ZNF420: variants seen among roughly 807,000 people sequenced by gnomAD.
ZNF420 encodes zinc finger protein 420.
ZNF420 carries 31 observed loss-of-function variants against 44.7 expected under a neutral mutation model. The ratio of observed to expected loss-of-function variants is 0.69; its 90% CI spans 0.52 to 0.94. The LOEUF is 0.94. Among genes scored for constraint, ZNF420 ranks in the 40% least tolerant of loss-of-function variants. ZNF420 has a pLI of 0.00. For missense variants in ZNF420, 681 were observed against 827.9 expected (o/e 0.82, Z 2.18); for synonymous variants, 245 against 267.4 (o/e 0.92, Z 0.82).
chr19:37,052,708 G>T (rs1297543581), intron 1 of ZNF420, among the ~76,000 whole-genome samples: 1 of 152,176 alleles, frequency 6.6e-6, no homozygotes, highest in African/African-American at 2.4e-5. Context: ...CTTCTGGCTT[G>T]TAGAGTTTCT....
intron 2 of ZNF420, among the ~76,000 whole-genome samples, chr19:37,081,670 C>A (rs1359159087): frequency 1.4e-5 from 2 of 145,720 alleles, no homozygotes; most frequent in African/African-American, 2.5e-5. Context: ...GGAATACAGG[C>A]GGGCACGACC....
At chr19:37,103,286 T>G (rs1157538808) in intron 4 of ZNF420, among the ~76,000 whole-genome samples, 1 of 152,108 alleles carries the variant, frequency 6.6e-6, no homozygotes, top group Non-Finnish European at 1.5e-5. Context: ...TTTTCTATGT[T>G]TTTATAATTT....
intron 4 of ZNF420, 69 bp downstream of exon 4, chr19:37,091,190 A>C (rs771658684): frequency 2.0e-5 from 28 of 1,417,130 alleles, no homozygotes; most frequent in Non-Finnish European, 2.6e-5. Flanking sequence ...TGTTATTTCA[A>C]ATTTCCTTTT....
At position 37,091,062 on chromosome 19, in the gene ZNF420, C is replaced by T. The variant is rs1243202182; in HGVS notation, c.77C>T (p.Ala26Val). 6 of 1,613,022 alleles carry T rather than the reference C, an allele frequency of 3.7e-6. No individual in the cohort carries two copies. Among genetic ancestry groups the T allele is most frequent in the Non-Finnish European group, 5.1e-6 (6 of 1,179,724 alleles). ...GAAGAGTGGGAATGCCTGGACTCTG[C>T]TCAGAGAGATTTGTATAGAGATGTG... The part of the protein sequence containing the change: ...SQEEWECLDS[A>V]QRDLYRDVML... The change falls in exon 4 of 5, where the codon GCT becomes GTT. Residue 26 changes from alanine (A) to valine (V), a missense_variant. Coordinates refer to ENST00000337995, the MANE Select transcript of ZNF420 (RefSeq NM_144689.5).
upstream of ZNF420, among the ~76,000 whole-genome samples, chr19:37,075,760 AAAAC>A (rs202179442): frequency 0.014 from 2,071 of 151,954 alleles, 46 homozygotes; most frequent in African/African-American, 0.046. Flanking sequence ...AACAAAAACA[AAAAC>A]AAACAAACAA....
intron 4 of ZNF420, among the ~76,000 whole-genome samples, chr19:37,124,205 A>C (rs1174837538): frequency 6.6e-6 from 1 of 152,196 alleles, no homozygotes; most frequent in Non-Finnish European, 1.5e-5. Context: ...GGCTTTTCTC[A>C]CTTAGCAAAA....
chr19:37,073,950 T>C (rs1374397285), upstream of ZNF420, among the ~76,000 whole-genome samples: 1 of 150,270 alleles, frequency 6.7e-6, no homozygotes, highest in Non-Finnish European at 1.5e-5. Context: ...AAAATAAAAA[T>C]CCATGAGCCA....
intron 4 of ZNF420, among the ~76,000 whole-genome samples, chr19:37,101,870 T>C (rs1336737435): frequency 6.6e-6 from 1 of 152,180 alleles, no homozygotes; most frequent in Non-Finnish European, 1.5e-5. Context: ...GGGCTGGAGC[T>C]GAGACTGGGC....
In ZNF420 at chr19:37,127,208, A is replaced by C; in HGVS notation, c.217A>C (p.Ser73Arg). The change falls in exon 5 of 5, where the codon AGT becomes CGT. Residue 73 changes from serine (S) to arginine (R), a missense_variant. Physicochemically the swap from Ser to Arg is moderately radical, Grantham distance 110 (BLOSUM62 -1). Around this residue, in one of 3 missense-constraint regions of ZNF420, gnomAD observed 350 missense variants for 382.5 expected, o/e 0.92. Coordinates refer to ENST00000337995, the MANE Select transcript of ZNF420 (RefSeq NM_144689.5). The part of the protein sequence containing the change: ...YETELSQWEM[S>R]DRLENCDLEE... ...AACAGAATTATCCCAATGGGAAATGAGTGACAGACTTGAAAACTGTGATCT... is the reference window on the plus strand; with the variant it reads ...AACAGAATTATCCCAATGGGAAATGCGTGACAGACTTGAAAACTGTGATCT... 6.2e-7 allele frequency: 1 copy of C among 1,603,828 alleles called. No homozygotes were observed. The highest frequency in any genetic ancestry group is 2.2e-5 in the East Asian group (1 of 44,752).
intron 4 of ZNF420, among the ~76,000 whole-genome samples, chr19:37,115,477 G>A (rs1327114546): frequency 6.6e-6 from 1 of 151,870 alleles, no homozygotes; most frequent in Non-Finnish European, 1.5e-5. Context: ...AGAGGTCTTT[G>A]TGTCATAAAT....
At chr19:37,044,254 C>T (rs1967507337) in intron 1 of ZNF420, among the ~76,000 whole-genome samples, 1 of 152,202 alleles carries the variant, frequency 6.6e-6, no homozygotes, top group South Asian at 2.1e-4. Flanking sequence ...CAGTGGCTTA[C>T]ATCAGGAACT....
chr19:37,008,010 G>T (rs2074541469), exon 1 of ZNF420: 1 of 204,154 alleles, frequency 4.9e-6, no homozygotes, highest in Non-Finnish European at 9.9e-6. Flanking sequence ...AGAGCAGGAT[G>T]AAGAAACCAC....
intron 1 of ZNF420, among the ~76,000 whole-genome samples, chr19:37,042,974 G>A (rs1967483275): frequency 6.6e-6 from 1 of 152,096 alleles, no homozygotes; most frequent in South Asian, 2.1e-4. Context: ...GAGAGAGAGA[G>A]AGAAATGGCT....
At chr19:37,021,289 C>T (rs758303338) in intron 1 of ZNF420, among the ~76,000 whole-genome samples, 2 of 151,996 alleles carry the variant, frequency 1.3e-5, no homozygotes, top group Admixed American at 6.5e-5. Flanking sequence ...TTTTTTGAAA[C>T]GAAGTTTCAC....
intron 4 of ZNF420, among the ~76,000 whole-genome samples, chr19:37,125,361 T>C (rs1329589943): frequency 6.6e-6 from 1 of 152,184 alleles, no homozygotes; most frequent in East Asian, 1.9e-4. Flanking sequence ...AGTATCCTAT[T>C]TGAAAGGGAT....
intron 4 of ZNF420, among the ~76,000 whole-genome samples, chr19:37,116,298 G>A (rs899273115): frequency 6.7e-6 from 1 of 148,706 alleles, no homozygotes; most frequent in African/African-American, 2.5e-5. Context: ...GAATCCAGGA[G>A]GTGGAGGTTG....
rs372474897 is a variant in ZNF420 at position 37,020,089 on chromosome 19, C to T, written c.-125+12007C>T. On this transcript the variant is annotated intron_variant, in intron 1 of 4. Transcript: ENST00000587029. ...AAAATGAGCCGGGCACAGTGGCGGG[C>T]GCCTGTAGTCCCAGCTACTCGGGAG... Among the ~76,000 whole-genome samples, 884 of 151,888 alleles carry T rather than the reference C, an allele frequency of 5.8e-3. 27 individuals carry two copies. Among genetic ancestry groups the T allele is most frequent in the East Asian group, 0.048 (248 of 5,114 alleles).
chr19:37,106,209 G>A (rs371389237), intron 4 of ZNF420, among the ~76,000 whole-genome samples: 2,942 of 152,140 alleles, frequency 0.019, 79 homozygotes, highest in East Asian at 0.05. Context: ...TAATTTATTG[G>A]GAGTTTTTAG....
At chr19:37,109,996 C>G (rs1198429988) in intron 4 of ZNF420, 1 of 152,126 alleles carries the variant, frequency 6.6e-6, no homozygotes, top group Admixed American at 6.5e-5. Flanking sequence ...CAACTATGGC[C>G]TGTCCTTGGG....
Sources: gnomAD v4.1 joint callset for allele counts (sites outside exome capture counted in the v4.1 genomes callset) on GRCh38, gnomAD v4.1.1 for gene constraint, gnomAD v4.1.1 regional missense constraint, MANE v1.5 for transcripts, NCBI Gene and HGNC (gene_info 2026-07-23, HGNC 2026-07-21) for gene names.